Variants in TFAP2B observed in about 807,000 individuals in gnomAD.
The protein encoded by TFAP2B is transcription factor AP-2 beta.
TFAP2B carries 9 observed loss-of-function variants against 44.3 expected under a neutral mutation model. That is an observed-to-expected ratio of 0.20 (90% CI 0.12 to 0.35). The LOEUF (loss-of-function observed/expected upper bound fraction) is 0.35. Among genes scored for constraint, TFAP2B ranks in the 10% least tolerant of loss-of-function variants. The pLI is 1.00. For missense variants in TFAP2B, 509 were observed against 600.0 expected (o/e 0.85, Z 1.59); for synonymous variants, 270 against 263.8 (o/e 1.02, Z -0.23).
intron 2 of TFAP2B, among the ~76,000 whole-genome samples, chr6:50,825,555 C>A (rs533915084): frequency 1.3e-5 from 2 of 152,074 alleles, no homozygotes; most frequent in African/African-American, 4.8e-5. Flanking sequence ...TGAGAGAGGT[C>A]TTTTTGTGTT....
intron 4 of TFAP2B, among the ~76,000 whole-genome samples, chr6:50,837,736 T>C (rs995379435): frequency 1.3e-5 from 2 of 151,258 alleles, no homozygotes; most frequent in Non-Finnish European, 2.9e-5. Context: ...TCTGGTATCC[T>C]TTTTTTTTCT....
At chr6:50,839,475 T>G (rs1223130105) in intron 5 of TFAP2B, among the ~76,000 whole-genome samples, 3 of 152,208 alleles carry the variant, frequency 2.0e-5, no homozygotes, top group African/African-American at 7.2e-5. Context: ...GAAAGGGGCT[T>G]TCACATAAGC....
rs1460789013 is a variant in TFAP2B at position 50,845,208 on chromosome 6, C to A, written c.*1816C>A. On this transcript the variant is annotated 3_prime_UTR_variant, in exon 7 of 7. Coordinates refer to ENST00000393655, the MANE Select transcript of TFAP2B (RefSeq NM_003221.4). ...CAAAGTAGACGAGATCTTTGCAATA[C>A]CCCTTAAAGATAACGACATAGATGT... is the stretch of plus-strand genomic sequence containing the variant. 2 of 152,144 alleles carry A rather than the reference C, an allele frequency of 1.3e-5. No homozygotes were observed. Among genetic ancestry groups the A allele is most frequent in the Non-Finnish European group, 2.9e-5 (2 of 68,022 alleles). The allele number at this position is 152,144 out of a possible 1,614,324, so 9.4% of individuals were successfully genotyped here.
intron 4 of TFAP2B, among the ~76,000 whole-genome samples, chr6:50,837,528 C>A (rs1472720394): frequency 6.6e-6 from 1 of 152,142 alleles, no homozygotes; most frequent in African/African-American, 2.4e-5. Flanking sequence ...CAACTCTTGA[C>A]CCCTTCCTCA....
intron 3 of TFAP2B, chr6:50,830,211 G>A (rs932558540): frequency 2.8e-6 from 2 of 711,396 alleles, no homozygotes; most frequent in Admixed American, 1.3e-4. Context: ...GAACCACTTA[G>A]CTCAGGGTTC....
chr6:50,820,400 C>CG (rs1581804946), intron 1 of TFAP2B, among the ~76,000 whole-genome samples: 1 of 151,354 alleles, frequency 6.6e-6, no homozygotes, highest in African/African-American at 2.4e-5. Context: ...TGCCCCCCCC[C>CG]GAATCCTAAT....
Position 50,836,042 on chromosome 6 carries a change from AT to A in TFAP2B, c.602-13del. ...TCGAAACTTGGTCACCTTTATGGCA[AT>A]TTTTTCTCTCTTTCTAGTTCCAGTT... On this transcript the variant is annotated intron_variant, in intron 3 of 6. Coordinates refer to ENST00000393655, the MANE Select transcript of TFAP2B (RefSeq NM_003221.4). The A allele has an allele frequency of 6.2e-7, 1 of 1,609,274 alleles. No individual in the cohort carries two copies. Among genetic ancestry groups the A allele is most frequent in the Non-Finnish European group, 8.5e-7 (1 of 1,175,722 alleles).
chr6:50,823,976 C>G, intron 2 of TFAP2B, 111 bp downstream of exon 2: 1 of 1,219,744 alleles, frequency 8.2e-7, no homozygotes, highest in Non-Finnish European at 1.2e-6. Context: ...GGAGTTTGTT[C>G]CCATGTTTAG....
chr6:50,823,304 T>C (rs1354227823), intron 1 of TFAP2B, 103 bp from the exon 2 acceptor site: 17 of 1,035,798 alleles, frequency 1.6e-5, no homozygotes, highest in Admixed American at 8.0e-5. Flanking sequence ...TTGTCACTTG[T>C]ATTTTTTTTC....
chr6:50,835,968 T>C, intron 3 of TFAP2B, 93 bp from the exon 4 acceptor site: 1 of 1,020,436 alleles, frequency 9.8e-7, no homozygotes. Context: ...ACTTGGTGTC[T>C]GTCCTGTGGC....
chr6:50,819,828 G>A (rs1032402948), intron 1 of TFAP2B, among the ~76,000 whole-genome samples: 1 of 151,706 alleles, frequency 6.6e-6, no homozygotes, highest in South Asian at 2.1e-4. Flanking sequence ...CTAGGCGGAC[G>A]AGGCGGCCGA....
At chr6:50,829,896 A>C (rs530439721) in intron 3 of TFAP2B, among the ~76,000 whole-genome samples, 1 of 152,198 alleles carries the variant, frequency 6.6e-6, no homozygotes, top group South Asian at 2.1e-4. Context: ...GAATATCCTA[A>C]AGTATAGTAA....
rs942459596 is a variant in TFAP2B at position 50,846,646 on chromosome 6, G to A, written c.*3254G>A. On this transcript the variant is annotated 3_prime_UTR_variant, in exon 7 of 7. Coordinates refer to ENST00000393655, the MANE Select transcript of TFAP2B (RefSeq NM_003221.4). ...TCCAGACCATTCTCTGCCAAACCCT[G>A]CCGCCTCCTGCACGTATTGCAGGTC... 4.6e-5 allele frequency: 7 copies of A among 152,158 alleles called. No individual in the cohort carries two copies. The highest frequency in any genetic ancestry group is 1.7e-4 in the African/African-American group (7 of 41,428). 9.4% of individuals were successfully genotyped at this position (152,158 alleles called of 1,614,324 possible).
chr6:50,821,002 A>T (rs1209724234), intron 1 of TFAP2B, among the ~76,000 whole-genome samples: 1 of 152,168 alleles, frequency 6.6e-6, no homozygotes, highest in Non-Finnish European at 1.5e-5. Context: ...CTATCTGCCT[A>T]AATTTTCTGC....
chr6:50,840,707 C>T (rs568898187), intron 6 of TFAP2B, among the ~76,000 whole-genome samples: 6 of 152,300 alleles, frequency 3.9e-5, no homozygotes, highest in Admixed American at 2.6e-4. Flanking sequence ...CCCATCTCTA[C>T]CCACAGCTCT....
At chr6:50,841,093 T>C (rs1762719930) in intron 6 of TFAP2B, among the ~76,000 whole-genome samples, 1 of 152,256 alleles carries the variant, frequency 6.6e-6, no homozygotes, top group Non-Finnish European at 1.5e-5. Context: ...TCCAGATGTT[T>C]TTGAGACGTG....
At position 50,847,604 on chromosome 6, in the gene TFAP2B, T is replaced by G. The variant is rs1378060658; in HGVS notation, c.*4212T>G. On this transcript the variant is annotated 3_prime_UTR_variant, in exon 7 of 7. Coordinates refer to ENST00000393655, the MANE Select transcript of TFAP2B (RefSeq NM_003221.4). ...TGATTTACATAAATAAAAAGATTGT[T>G]GTGTTTTCATCTTCAGTTTCTTAAA... 1 of 148,662 alleles carries G rather than the reference T, an allele frequency of 6.7e-6. No homozygotes were observed. Among genetic ancestry groups the G allele is most frequent in the Non-Finnish European group, 1.5e-5 (1 of 68,014 alleles). 9.2% of individuals were successfully genotyped at this position (148,662 alleles called of 1,614,324 possible). A position where few individuals can be genotyped will look rare whatever the true frequency, so the allele number is the denominator to read the frequency against.
intron 3 of TFAP2B, among the ~76,000 whole-genome samples, chr6:50,831,145 A>T (rs1287102522): frequency 6.6e-6 from 1 of 152,126 alleles, no homozygotes; most frequent in Non-Finnish European, 1.5e-5. Context: ...ACCTGTGTTT[A>T]TGTCACCCCA....
chr6:50,826,656 A>G (rs1163198417), intron 2 of TFAP2B, among the ~76,000 whole-genome samples: 1 of 151,920 alleles, frequency 6.6e-6, no homozygotes, highest in Admixed American at 6.6e-5. Flanking sequence ...CTACAGAGAG[A>G]GAGACAGAGG....
Sources: gnomAD v4.1 joint callset for allele counts (sites outside exome capture counted in the v4.1 genomes callset) on GRCh38, gnomAD v4.1.1 for gene constraint, MANE v1.5 for transcripts, NCBI Gene and HGNC (gene_info 2026-07-23, HGNC 2026-07-21) for gene names.